NRXN1: variants seen among roughly 807,000 people sequenced by gnomAD.
NRXN1 encodes neurexin 1.
A neutral mutation model predicts 150.9 loss-of-function variants in NRXN1; 39 were observed. That is an observed-to-expected ratio of 0.26 (90% confidence interval 0.20 to 0.34). The LOEUF (loss-of-function observed/expected upper bound fraction) is 0.34, where lower values mean the gene tolerates loss of function less well. Among genes scored for constraint, NRXN1 ranks in the 10% least tolerant of loss-of-function variants. The pLI is 1.00. For missense variants in NRXN1, 1,815 were observed against 1,949.9 expected (o/e 0.93, Z 1.30); for synonymous variants, 924 against 757.0 (o/e 1.22, Z -3.62).
At chr2:50,342,864 G>T (rs556152212) in intron 17 of NRXN1, among the ~76,000 whole-genome samples, 2 of 152,304 alleles carry the variant, frequency 1.3e-5, no homozygotes, top group South Asian at 4.1e-4. Flanking sequence ...CAGACATCTG[G>T]CTCCGTCTTT....
chr2:50,407,617 A>C (rs545886694), intron 17 of NRXN1, among the ~76,000 whole-genome samples: 1 of 152,192 alleles, frequency 6.6e-6, no homozygotes, highest in Non-Finnish European at 1.5e-5. Context: ...TCTGTGGATT[A>C]ATGGGTCATC....
At position 50,409,706 on chromosome 2, in the gene NRXN1, C is replaced by A. The variant is rs139459426; in HGVS notation, c.3364+55736G>T. Among the ~76,000 whole-genome samples the A allele has an allele frequency of 6.0e-3, 917 of 152,184 alleles. 5 individuals are homozygous for A. Among genetic ancestry groups the A allele is most frequent in the Non-Finnish European group, 0.011 (746 of 68,008 alleles). ...ATTTGGTTTTCCAAAGTTTAGTTTC[C>A]CAGATGATGAAATTTCAAGTTCACT... On this transcript the variant is annotated intron_variant, in intron 17 of 22. Coordinates refer to ENST00000401669, the MANE Select transcript of NRXN1 (RefSeq NM_001330078.2).
At chr2:50,987,927 T>C (rs775075269) in intron 2 of NRXN1, among the ~76,000 whole-genome samples, 16 of 151,938 alleles carry the variant, frequency 1.1e-4, no homozygotes, top group Admixed American at 5.3e-4. Flanking sequence ...CCTCAGCAAG[T>C]GTCTTTTGCA....
At chr2:50,283,370 T>C (rs1172543960) in intron 17 of NRXN1, among the ~76,000 whole-genome samples, 1 of 152,174 alleles carries the variant, frequency 6.6e-6, no homozygotes, top group African/African-American at 2.4e-5. Flanking sequence ...ATGCAAATGC[T>C]TAAGAAATAA....
chr2:50,588,435 A>G (rs570736831), intron 8 of NRXN1, among the ~76,000 whole-genome samples: 1 of 152,260 alleles, frequency 6.6e-6, no homozygotes, highest in African/African-American at 2.4e-5. Context: ...GAACATATAC[A>G]GTGTGTATAA....
chr2:50,118,002 G>GT (rs1160539844), intron 18 of NRXN1, among the ~76,000 whole-genome samples: 4 of 152,096 alleles, frequency 2.6e-5, no homozygotes, highest in African/African-American at 9.7e-5. Context: ...AAAGACCTAG[G>GT]TTTTCTTCCT....
intron 5 of NRXN1, among the ~76,000 whole-genome samples, chr2:50,903,285 T>C (rs1260487209): frequency 6.6e-6 from 1 of 152,190 alleles, no homozygotes; most frequent in Non-Finnish European, 1.5e-5. Context: ...ACCTAAATTT[T>C]AACTCTCTCT....
intron 5 of NRXN1, among the ~76,000 whole-genome samples, chr2:50,625,964 A>G (rs1680955627): frequency 6.6e-6 from 1 of 152,094 alleles, no homozygotes; most frequent in Non-Finnish European, 1.5e-5. Flanking sequence ...CTTTAAGATA[A>G]AAAACAGGAC....
intron 5 of NRXN1, among the ~76,000 whole-genome samples, chr2:50,657,189 G>A (rs569104832): frequency 6.6e-6 from 1 of 151,962 alleles, no homozygotes; most frequent in South Asian, 2.1e-4. Context: ...CTCCAGTTTT[G>A]CTTTAGCCAC....
chr2:50,117,773 A>AG (rs1430668458), intron 18 of NRXN1, among the ~76,000 whole-genome samples: 1 of 130,950 alleles, frequency 7.6e-6, no homozygotes, highest in African/African-American at 3.0e-5. Context: ...TCAGGCTGTC[A>AG]GAAAAAAAAA....
chr2:50,588,912 G>C (rs530547783), intron 8 of NRXN1: 1 of 152,258 alleles, frequency 6.6e-6, no homozygotes, highest in Admixed American at 6.5e-5. Context: ...GTGAATATAT[G>C]ATGAGCTCAT....
chr2:50,295,780 A>C (rs933777280), intron 17 of NRXN1, among the ~76,000 whole-genome samples: 1 of 152,192 alleles, frequency 6.6e-6, no homozygotes, highest in Non-Finnish European at 1.5e-5. Flanking sequence ...GTCAGTAGGC[A>C]TAAGGGAATT....
At chr2:50,913,807 G>C (rs1341356319) in intron 5 of NRXN1, among the ~76,000 whole-genome samples, 1 of 151,702 alleles carries the variant, frequency 6.6e-6, no homozygotes, top group Non-Finnish European at 1.5e-5. Flanking sequence ...ATTTATATAA[G>C]TAGGTATAAT....
intron 5 of NRXN1, among the ~76,000 whole-genome samples, chr2:50,673,746 T>C (rs1689171230): frequency 6.6e-6 from 1 of 152,114 alleles, no homozygotes; most frequent in African/African-American, 2.4e-5. Flanking sequence ...TCAGCACTGA[T>C]TAAACACTTT....
At chr2:51,009,520 T>C (rs1435800133) in intron 2 of NRXN1, among the ~76,000 whole-genome samples, 2 of 151,876 alleles carry the variant, frequency 1.3e-5, no homozygotes, top group Non-Finnish European at 1.5e-5. Flanking sequence ...AATGGAAAAT[T>C]GCATTGTCAA....
Position 50,639,736 on chromosome 2 carries a change from A to G in NRXN1, c.833-16121T>C, listed in dbSNP as rs761467179. Among the ~76,000 whole-genome samples the G allele has an allele frequency of 2.0e-5, 3 of 152,216 alleles. 1 individual carries two copies. The highest frequency in any genetic ancestry group is 2.1e-4 in the South Asian group (1 of 4,832). ...CATAACTTTCATATAATCAAACAAT[A>G]TTATCATTTTTCTGTTACAATATCA... On this transcript the variant is annotated intron_variant, in intron 5 of 22. Coordinates refer to ENST00000401669, the MANE Select transcript of NRXN1 (RefSeq NM_001330078.2).
chr2:50,941,710 C>T (rs1262395926), intron 2 of NRXN1, among the ~76,000 whole-genome samples: 2 of 152,104 alleles, frequency 1.3e-5, no homozygotes, highest in African/African-American at 2.4e-5. Context: ...AGTGTACAGT[C>T]ACATACGTTC....
intron 2 of NRXN1, chr2:51,026,420 A>T: frequency 6.2e-7 from 1 of 1,605,016 alleles, no homozygotes; most frequent in Non-Finnish European, 8.5e-7. Context: ...TTCCTTGGTC[A>T]TTGTCATGTA....
Position 49,921,610 on chromosome 2 carries a change from C to T in NRXN1, c.*334G>A, listed in dbSNP as rs1668210966. 8.6e-6 allele frequency: 2 copies of T among 233,256 alleles called. No individual in the cohort carries two copies. The highest frequency in any genetic ancestry group is 2.3e-5 in the African/African-American group (1 of 43,224). 14.4% of individuals were successfully genotyped at this position (233,256 alleles called of 1,614,324 possible). Reference sequence around the variant, plus strand: ...GTTTTGTGTTGGTTTTTGTGTTGTGCCTTGATGCTGTAGTACTCCTTTGCT... The same window carrying T: ...GTTTTGTGTTGGTTTTTGTGTTGTGTCTTGATGCTGTAGTACTCCTTTGCT... On this transcript the variant is annotated 3_prime_UTR_variant, in exon 23 of 23. Transcript: ENST00000401669.
Sources: allele counts gnomAD v4.1 joint callset (sites outside exome capture counted in the v4.1 genomes callset), GRCh38; gene constraint gnomAD v4.1.1; transcripts MANE v1.5; gene names NCBI Gene and HGNC (gene_info 2026-07-23, HGNC 2026-07-21).